The following RAB8B variants were observed in gnomAD, a reference collection of about 807,000 sequenced individuals.
RAB8B encodes the protein RAB8B, member RAS oncogene family.
In RAB8B, 11 loss-of-function variants were observed where a neutral mutation model predicts 32.0. The observed-to-expected ratio is 0.34, with a 90% CI of 0.22 to 0.57. RAB8B has a LOEUF of 0.57. RAB8B is among the 20% of genes least tolerant of loss of function. The pLI is 0.86. For synonymous variants in RAB8B, 103 were observed against 89.6 expected (o/e 1.15, Z -0.85); for missense variants, 190 against 258.5 (o/e 0.73, Z 1.82).
chr15:63,229,823 A>G (rs2037921407), intron 1 of RAB8B, among the ~76,000 whole-genome samples: 1 of 149,712 alleles, frequency 6.7e-6, no homozygotes, highest in South Asian at 2.1e-4. Context: ...AGCCAAACCA[A>G]GGAAGTAATA....
chr15:63,263,173 C>G (rs1184897715), intron 7 of RAB8B, among the ~76,000 whole-genome samples: 1 of 152,180 alleles, frequency 6.6e-6, no homozygotes, highest in Non-Finnish European at 1.5e-5. Flanking sequence ...ATGCTACTAA[C>G]TCTTCTTACC....
Position 63,195,451 on chromosome 15 carries a change from AG to A in RAB8B, c.124+5706del, listed in dbSNP as rs2037592256. 2.6e-5 allele frequency among the ~76,000 whole-genome samples: 4 copies of A among 152,266 alleles called. No homozygotes were observed. The South Asian group carries it at 8.3e-4, about 31-fold the overall frequency. On this transcript the variant is annotated intron_variant, in intron 1 of 7. Coordinates refer to ENST00000321437, the MANE Select transcript of RAB8B (RefSeq NM_016530.3). ...CCAGCTGTTCTGCAGGCAGCAAGTCAGGGAGGAGGTTCTCTTGGCAACAGCA... is the reference window on the plus strand; with the variant it reads ...CCAGCTGTTCTGCAGGCAGCAAGTCAGGAGGAGGTTCTCTTGGCAACAGCA...
chr15:63,193,938 T>G (rs902871535), intron 1 of RAB8B, among the ~76,000 whole-genome samples: 1 of 152,180 alleles, frequency 6.6e-6, no homozygotes, highest in Admixed American at 6.5e-5. Flanking sequence ...TGGATGCATT[T>G]TAATATTGAT....
chr15:63,199,642 C>G (rs1033177920), intron 1 of RAB8B, among the ~76,000 whole-genome samples: 5 of 152,048 alleles, frequency 3.3e-5, no homozygotes, highest in African/African-American at 1.2e-4. Context: ...CTTCAGCGTT[C>G]AACTTTGGGT....
intron 2 of RAB8B, among the ~76,000 whole-genome samples, chr15:63,245,864 A>G (rs1461269471): frequency 6.6e-6 from 1 of 152,202 alleles, no homozygotes; most frequent in Admixed American, 6.5e-5. Flanking sequence ...ATAACTTTAT[A>G]CAATATTTTA....
At chr15:63,206,958 A>C (rs2037702995) in intron 1 of RAB8B, among the ~76,000 whole-genome samples, 1 of 151,638 alleles carries the variant, frequency 6.6e-6, no homozygotes, top group African/African-American at 2.4e-5. Flanking sequence ...AGCATTTCAC[A>C]CTGTTTATTA....
Position 63,226,517 on chromosome 15 carries a change from A to AT in RAB8B, c.125-18232dup, listed in dbSNP as rs1250377735. The stretch of plus-strand genomic sequence containing the variant: ...AATATCAGTTTTTCAGAATGCACAC[A>AT]TTTTTTTCTGCTTTCTTCTCTCACC... On this transcript the variant is annotated intron_variant, in intron 1 of 7. Transcript: ENST00000321437. 3.3e-5 allele frequency among the ~76,000 whole-genome samples: 5 copies of AT among 152,110 alleles called. No individual in the cohort carries two copies. The East Asian group carries it at 9.7e-4, about 29-fold the overall frequency.
At position 63,252,303 on chromosome 15, in the gene RAB8B, T is replaced by C. The variant is rs575774417; in HGVS notation, c.246+2598T>C. On this transcript the variant is annotated intron_variant, in intron 3 of 7. Coordinates refer to ENST00000321437, the MANE Select transcript of RAB8B (RefSeq NM_016530.3). ...GCTATGTCCCAGGCTCTAGGTGAAG[T>C]AGTTTACAAATATCTCAGTAGATCC... 2.0e-5 allele frequency among the ~76,000 whole-genome samples: 3 copies of C among 152,256 alleles called. No individual in the cohort carries two copies. In the South Asian group the frequency reaches 6.2e-4, roughly 32 times the overall value.
In RAB8B at chr15:63,248,825, C is replaced by A. The variant is rs539027587; in HGVS notation, c.186-820C>A. 7.2e-5 allele frequency among the ~76,000 whole-genome samples: 11 copies of A among 152,066 alleles called. No individual in the cohort carries two copies. Among genetic ancestry groups the A allele is most frequent in the African/African-American group, 2.4e-4 (10 of 41,404 alleles). ...TATATTTCCACAAATGCCTCTTTCT[C>A]TCCTGCAATTAAATTGTCTTAGTAG... is the stretch of plus-strand genomic sequence containing the variant. On this transcript the variant is annotated intron_variant, in intron 2 of 7. Transcript: ENST00000321437. This position sits in a 1 kb window ranked among gnomAD's most constrained non-coding sequence, Gnocchi z 4.4.
chr15:63,214,297 T>C (rs2037773579), intron 1 of RAB8B, among the ~76,000 whole-genome samples: 2 of 142,914 alleles, frequency 1.4e-5, no homozygotes, highest in Non-Finnish European at 1.5e-5. Flanking sequence ...TTTTTTTTTT[T>C]TTTTTTTTTT....
chr15:63,259,304 A>G lies in RAB8B; in HGVS notation c.415-323A>G, dbSNP rs1218711258. 2.0e-5 allele frequency among the ~76,000 whole-genome samples: 3 copies of G among 151,788 alleles called. No individual in the cohort carries two copies. Among genetic ancestry groups the G allele is most frequent in the Non-Finnish European group, 4.4e-5 (3 of 67,876 alleles). On this transcript the variant is annotated intron_variant, in intron 5 of 7. Transcript: ENST00000321437. The surrounding 1 kb of genome is among the most constrained non-coding windows in gnomAD (Gnocchi z 4.4). ...CCGGCTAATTTTTTGTATTTTTAGT[A>G]GAGGCGGGGTTTCATCATGTTAGCA...
At chr15:63,235,654 G>GAT (rs911577456) in intron 1 of RAB8B, among the ~76,000 whole-genome samples, 11 of 149,326 alleles carry the variant, frequency 7.4e-5, no homozygotes, top group East Asian at 2.0e-4. Flanking sequence ...ATTATACATG[G>GAT]ATATATATAT....
At chr15:63,235,101 C>A (rs2037967331) in intron 1 of RAB8B, among the ~76,000 whole-genome samples, 1 of 151,864 alleles carries the variant, frequency 6.6e-6, no homozygotes, top group Non-Finnish European at 1.5e-5. Flanking sequence ...TGAAGGCATG[C>A]ATTCATTAAT....
intron 7 of RAB8B, among the ~76,000 whole-genome samples, chr15:63,263,196 G>C (rs551687236): frequency 6.6e-6 from 1 of 152,128 alleles, no homozygotes; most frequent in Non-Finnish European, 1.5e-5. Context: ...TAACAGAACT[G>C]TCTATGCCAG....
At chr15:63,222,516 TTGATGA>T (rs202070874) in intron 1 of RAB8B, among the ~76,000 whole-genome samples, 2 of 152,204 alleles carry the variant, frequency 1.3e-5, no homozygotes, top group Admixed American at 1.3e-4. Flanking sequence ...GTCCCATAAG[TTGATGA>T]TGATGATGAT....
intron 1 of RAB8B, among the ~76,000 whole-genome samples, chr15:63,191,851 G>C (rs1306638472): frequency 6.6e-6 from 1 of 151,910 alleles, no homozygotes; most frequent in Non-Finnish European, 1.5e-5. Context: ...TTCCTGTAAG[G>C]GTATCTGGTT....
At chr15:63,197,503 A>G (rs1389126743) in intron 1 of RAB8B, among the ~76,000 whole-genome samples, 1 of 150,330 alleles carries the variant, frequency 6.7e-6, no homozygotes, top group Non-Finnish European at 1.5e-5. Flanking sequence ...CCTCTGGAGT[A>G]GCTGGGACCC....
At position 63,200,824 on chromosome 15, in the gene RAB8B, C is replaced by A. The variant is rs894622200; in HGVS notation, c.124+11076C>A. ...GAGCATTTGTTTTTTAATTTCAAATCTATTTTCTCTTACACCCCATCTGCC... is the reference window on the plus strand; with the variant it reads ...GAGCATTTGTTTTTTAATTTCAAATATATTTTCTCTTACACCCCATCTGCC... On this transcript the variant is annotated intron_variant, in intron 1 of 7. Coordinates refer to ENST00000321437, the MANE Select transcript of RAB8B (RefSeq NM_016530.3). 3.5e-4 allele frequency among the ~76,000 whole-genome samples: 53 copies of A among 152,206 alleles called. 1 individual carries two copies. The highest frequency in any genetic ancestry group is 1.1e-3 in the African/African-American group (46 of 41,450).
intron 1 of RAB8B, among the ~76,000 whole-genome samples, chr15:63,217,699 C>A (rs1337922555): frequency 6.6e-6 from 1 of 152,098 alleles, no homozygotes; most frequent in African/African-American, 2.4e-5. Flanking sequence ...ATTTTATTAC[C>A]TTTAGCTTGT....
Sources: allele counts gnomAD v4.1 joint callset (sites outside exome capture counted in the v4.1 genomes callset), GRCh38; gene constraint gnomAD v4.1.1; non-coding constraint Gnocchi (gnomAD v3.1); transcripts MANE v1.5; gene names NCBI Gene and HGNC (gene_info 2026-07-23, HGNC 2026-07-21).